Variants in CALD1 observed in about 807,000 individuals in gnomAD.
CALD1 encodes the protein caldesmon.
CALD1 carries 33 observed loss-of-function variants against 99.9 expected under a neutral mutation model. The observed-to-expected ratio is 0.33, with a 90% confidence interval of 0.25 to 0.44. The LOEUF is 0.44. Among genes scored for constraint, CALD1 ranks in the 20% least tolerant of loss-of-function variants. The probability of loss-of-function intolerance (pLI) is 1.00; values close to 1 mark genes in which losing one functional copy is unlikely to be tolerated. For synonymous variants in CALD1, 310 were observed against 325.0 expected (o/e 0.95, Z 0.50); for missense variants, 861 against 962.1 (o/e 0.89, Z 1.39).
At chr7:134,847,513 A>G (rs374314133) in intron 2 of CALD1, among the ~76,000 whole-genome samples, 1 of 152,198 alleles carries the variant, frequency 6.6e-6, no homozygotes, top group Non-Finnish European at 1.5e-5. Context: ...AAAGTCCACA[A>G]TGAGCCTGGG....
At chr7:134,821,337 C>T (rs1159715663) in intron 1 of CALD1, among the ~76,000 whole-genome samples, 1 of 151,922 alleles carries the variant, frequency 6.6e-6, no homozygotes, top group East Asian at 1.9e-4. Flanking sequence ...AAACATTTAT[C>T]TTTAGTTCAT....
intron 7 of CALD1, among the ~76,000 whole-genome samples, chr7:134,943,337 C>T (rs2881758): frequency 6.6e-6 from 1 of 151,572 alleles, no homozygotes; most frequent in African/African-American, 2.4e-5. Flanking sequence ...CTTTATGGAA[C>T]GATTTCCACA....
At chr7:134,831,822 A>C (rs186681744) in intron 1 of CALD1, among the ~76,000 whole-genome samples, 24 of 152,296 alleles carry the variant, frequency 1.6e-4, no homozygotes, top group African/African-American at 5.8e-4. Flanking sequence ...GCCTCCTCAG[A>C]AGAAAGAATT....
chr7:134,824,703 T>C (rs569361179), intron 1 of CALD1, among the ~76,000 whole-genome samples: 1 of 152,206 alleles, frequency 6.6e-6, no homozygotes. Flanking sequence ...TGATACACAA[T>C]TGGCCTACAA....
intron 3 of CALD1, among the ~76,000 whole-genome samples, chr7:134,887,058 A>G (rs948582238): frequency 2.6e-5 from 4 of 152,200 alleles, no homozygotes; most frequent in South Asian, 2.1e-4. Flanking sequence ...CCAAGCCCCT[A>G]TTACAGGCCT....
At chr7:134,714,864 T>C in the CALD1 span, among the ~76,000 whole-genome samples, 14 of 152,186 alleles carry the variant, frequency 9.2e-5, no homozygotes, top group Non-Finnish European at 1.9e-4. Context: ...CTTATGCTGA[T>C]GGGCAGCTAG....
intron 1 of CALD1, among the ~76,000 whole-genome samples, chr7:134,843,234 G>A (rs1408539403): frequency 1.3e-5 from 2 of 152,182 alleles, no homozygotes; most frequent in Non-Finnish European, 2.9e-5. Context: ...TAAAAGCTAT[G>A]GCTTAAAGGG....
At chr7:134,874,593 T>A (rs867709109) in intron 3 of CALD1, among the ~76,000 whole-genome samples, 1 of 152,228 alleles carries the variant, frequency 6.6e-6, no homozygotes, top group African/African-American at 2.4e-5. Context: ...CAAGATGTGC[T>A]CATTACGTTC....
intron 4 of CALD1, among the ~76,000 whole-genome samples, chr7:134,929,520 C>T (rs1193889363): frequency 2.0e-5 from 3 of 149,518 alleles, no homozygotes; most frequent in Non-Finnish European, 4.4e-5. Flanking sequence ...TGAGTTACTT[C>T]ACTTCAAATA....
chr7:134,916,368 G>A (rs1010702448), intron 3 of CALD1, among the ~76,000 whole-genome samples: 14 of 152,184 alleles, frequency 9.2e-5, no homozygotes, highest in African/African-American at 2.9e-4. Flanking sequence ...AATGCCACTC[G>A]AGTGGAAAGG....
At chr7:134,869,022 AT>A (rs1412167195) in intron 3 of CALD1, among the ~76,000 whole-genome samples, 3 of 152,206 alleles carry the variant, frequency 2.0e-5, no homozygotes, top group Non-Finnish European at 4.4e-5. Context: ...AATGATAGCT[AT>A]TATTATTATT....
At chr7:134,867,093 A>T (rs745338940) in intron 2 of CALD1, 3 of 152,212 alleles carry the variant, frequency 2.0e-5, no homozygotes, top group African/African-American at 7.2e-5. Flanking sequence ...GTGATTTTAG[A>T]GCTTGGAAAA....
At chr7:134,938,304 C>T (rs549699298) in intron 6 of CALD1, among the ~76,000 whole-genome samples, 25 of 152,296 alleles carry the variant, frequency 1.6e-4, no homozygotes, top group Admixed American at 5.2e-4. Flanking sequence ...CGAGACACAT[C>T]TCAGTTCTTG....
At position 134,969,328 on chromosome 7, in the gene CALD1, A is replaced by G. The variant is rs1199418321; in HGVS notation, c.*983A>G. ...AAGACATAGTATTTAGTTTATAATTAAATGCATTCTTGAAGTCCAGTGTGA... is the reference window on the plus strand; with the variant it reads ...AAGACATAGTATTTAGTTTATAATTGAATGCATTCTTGAAGTCCAGTGTGA... On this transcript the variant is annotated 3_prime_UTR_variant, in exon 15 of 15. Transcript: ENST00000361675. 1 of 152,214 alleles carries G rather than the reference A, an allele frequency of 6.6e-6. No homozygotes were observed. The highest frequency in any genetic ancestry group is 1.5e-5 in the Non-Finnish European group (1 of 68,026). 9.4% of individuals were successfully genotyped at this position (152,214 alleles called of 1,614,324 possible). A position where few individuals can be genotyped will look rare whatever the true frequency, so the allele number is the denominator to read the frequency against.
At chr7:134,819,257 T>C (rs1055169935) in intron 1 of CALD1, among the ~76,000 whole-genome samples, 5 of 152,204 alleles carry the variant, frequency 3.3e-5, no homozygotes, top group African/African-American at 1.2e-4. Context: ...ACCTAACTCC[T>C]AGTCTTCCTT....
intron 1 of CALD1, among the ~76,000 whole-genome samples, chr7:134,836,324 A>T (rs552874636): frequency 1.3e-5 from 2 of 152,174 alleles, no homozygotes; most frequent in African/African-American, 4.8e-5. Context: ...GAAGAGAACC[A>T]GAAGACTGCA....
chr7:134,771,276 A>C (rs1330337039), intron 1 of CALD1, among the ~76,000 whole-genome samples: 1 of 151,656 alleles, frequency 6.6e-6, no homozygotes, highest in Non-Finnish European at 1.5e-5. Context: ...TGCATATGAC[A>C]CTCCCTCCCC....
rs774239949 is a variant in CALD1 at position 134,950,457 on chromosome 7, C to T, written c.1878C>T (p.Gly626=). The T allele has an allele frequency of 6.2e-7, 1 of 1,613,926 alleles. No individual in the cohort carries two copies. The highest frequency in any genetic ancestry group is 8.5e-7 in the Non-Finnish European group (1 of 1,179,772). ...AACGCCAGAAGATGCCAGAAGATGG[C>T]TTGTCAGATGACAAGAAACCATTCA... is the stretch of plus-strand genomic sequence containing the variant. The part of the protein sequence containing the change: ...AEKRQKMPED[G]LSDDKKPFKC... Residue 626 remains glycine, a synonymous_variant, in exon 9 of 15, where the codon GGC becomes GGT. Transcript: ENST00000361675.
rs1222251806 is a variant in CALD1 at position 134,970,523 on chromosome 7, G to A, written c.*2178G>A. 1.3e-5 allele frequency: 2 copies of A among 152,602 alleles called. No individual in the cohort carries two copies. The highest frequency in any genetic ancestry group is 4.8e-5 in the African/African-American group (2 of 41,428). 9.5% of individuals were successfully genotyped at this position (152,602 alleles called of 1,614,324 possible). On this transcript the variant is annotated 3_prime_UTR_variant, in exon 15 of 15. Coordinates refer to ENST00000361675, the MANE Select transcript of CALD1 (RefSeq NM_033138.4). Reference sequence around the variant, plus strand: ...CTGCAAGCTGACTAGCATGTTCTGTGAATCTGCCATTCCTAAAAATTTTAT... The same window carrying A: ...CTGCAAGCTGACTAGCATGTTCTGTAAATCTGCCATTCCTAAAAATTTTAT...
Sources: gnomAD v4.1 joint callset for allele counts (sites outside exome capture counted in the v4.1 genomes callset) on GRCh38, gnomAD v4.1.1 for gene constraint, MANE v1.5 for transcripts, NCBI Gene and HGNC (gene_info 2026-07-23, HGNC 2026-07-21) for gene names.